CSGALNACT1: variants seen among roughly 807,000 people sequenced by gnomAD.
CSGALNACT1 encodes beta4GalNAcT-1.
CSGALNACT1 carries 52 observed loss-of-function variants against 51.0 expected under a neutral mutation model. The observed-to-expected ratio is 1.02, with a 90% CI of 0.82 to 1.29. CSGALNACT1 has a LOEUF of 1.29. CSGALNACT1 is among the 50% of genes most tolerant of loss of function. The pLI is 0.00. For synonymous variants in CSGALNACT1, 341 were observed against 254.4 expected (o/e 1.34, Z -3.24); for missense variants, 935 against 679.2 (o/e 1.38, Z -4.19).
intron 1 of CSGALNACT1, among the ~76,000 whole-genome samples, chr8:19,701,162 T>TG (rs1589591609): frequency 1.4e-5 from 2 of 142,936 alleles, no homozygotes; most frequent in South Asian, 2.4e-4. Flanking sequence ...CGTTTTTTTT[T>TG]TTTTTTTTTT....
At chr8:19,482,596 C>A (rs1282415895) in intron 4 of CSGALNACT1, among the ~76,000 whole-genome samples, 3 of 152,144 alleles carry the variant, frequency 2.0e-5, no homozygotes, top group Non-Finnish European at 2.9e-5. Flanking sequence ...TTACCAAATC[C>A]TTCTGACTTT....
chr8:19,706,829 G>A (rs539223894), intron 1 of CSGALNACT1, among the ~76,000 whole-genome samples: 8 of 152,228 alleles, frequency 5.3e-5, no homozygotes, highest in Non-Finnish European at 1.0e-4. Flanking sequence ...ATCTTGCTAT[G>A]TTGCCCAGGC....
At chr8:19,635,335 A>C (rs954882083) in intron 1 of CSGALNACT1, among the ~76,000 whole-genome samples, 1 of 151,860 alleles carries the variant, frequency 6.6e-6, no homozygotes. Flanking sequence ...CTCAGTGTCT[A>C]CTCTTGCCTA....
chr8:19,542,411 A>T (rs2085424390), intron 3 of CSGALNACT1, among the ~76,000 whole-genome samples: 1 of 152,168 alleles, frequency 6.6e-6, no homozygotes. Context: ...GGAATCATTA[A>T]ATATTTTAAA....
At chr8:19,708,749 T>A (rs1190917916) in intron 1 of CSGALNACT1, among the ~76,000 whole-genome samples, 2 of 152,136 alleles carry the variant, frequency 1.3e-5, no homozygotes, top group South Asian at 2.1e-4. Flanking sequence ...CCCGGGACTG[T>A]TTAAACCAAC....
intron 1 of CSGALNACT1, among the ~76,000 whole-genome samples, chr8:19,633,917 C>G (rs873936): frequency 0.52 from 78,814 of 151,844 alleles, 20,862 homozygotes; most frequent in East Asian, 0.68. Flanking sequence ...CCTTGCTGCA[C>G]TAACCTCCTC....
intron 1 of CSGALNACT1, among the ~76,000 whole-genome samples, chr8:19,741,286 C>T (rs1294532590): frequency 2.0e-5 from 3 of 152,150 alleles, no homozygotes; most frequent in African/African-American, 4.8e-5. Context: ...GAGTCTTAGC[C>T]GGGCACAGTG....
At chr8:19,438,796 A>G (rs1222055090) in intron 6 of CSGALNACT1, among the ~76,000 whole-genome samples, 1 of 152,252 alleles carries the variant, frequency 6.6e-6, no homozygotes, top group Admixed American at 6.5e-5. Context: ...CTCCTGCTTA[A>G]GAATGCTTGA....
intron 5 of CSGALNACT1, among the ~76,000 whole-genome samples, chr8:19,443,960 G>A (rs1190198508): frequency 3.9e-5 from 6 of 152,116 alleles, no homozygotes; most frequent in Non-Finnish European, 8.8e-5. Flanking sequence ...GTCTCATAAG[G>A]AACACACAAC....
intron 6 of CSGALNACT1, among the ~76,000 whole-genome samples, chr8:19,421,732 T>C (rs926023709): frequency 1.3e-5 from 2 of 152,276 alleles, no homozygotes; most frequent in Non-Finnish European, 2.9e-5. Flanking sequence ...GTATCTGGAA[T>C]TGAATCAGTA....
intron 2 of CSGALNACT1, among the ~76,000 whole-genome samples, chr8:19,597,896 T>C (rs1237692455): frequency 6.6e-6 from 1 of 152,222 alleles, no homozygotes; most frequent in African/African-American, 2.4e-5. Flanking sequence ...AGGGCAAACA[T>C]CTAACCAGTA....
intron 1 of CSGALNACT1, among the ~76,000 whole-genome samples, chr8:19,628,596 A>G (rs2054768743): frequency 6.6e-6 from 1 of 152,120 alleles, no homozygotes; most frequent in Admixed American, 6.5e-5. Flanking sequence ...TAAGTAATAG[A>G]GGTAGGATTC....
chr8:19,489,533 C>A (rs1308705627), intron 4 of CSGALNACT1, among the ~76,000 whole-genome samples: 4 of 152,142 alleles, frequency 2.6e-5, no homozygotes, highest in Admixed American at 1.3e-4. Context: ...ATTCATTCAA[C>A]AAACATTTAA....
At chr8:19,646,313 G>A (rs545064608) in intron 1 of CSGALNACT1, among the ~76,000 whole-genome samples, 161 of 152,316 alleles carry the variant, frequency 1.1e-3, no homozygotes, top group Non-Finnish European at 1.9e-3. Flanking sequence ...CATCCCCAGA[G>A]GCTGAAGAAA....
At chr8:19,746,402 C>T (rs1252608499) in intron 1 of CSGALNACT1, among the ~76,000 whole-genome samples, 3 of 152,138 alleles carry the variant, frequency 2.0e-5, no homozygotes, top group Non-Finnish European at 4.4e-5. Flanking sequence ...GGCCATGGTA[C>T]CTAATGATGT....
At chr8:19,642,788 CAAA>C (rs756974494) in intron 1 of CSGALNACT1, among the ~76,000 whole-genome samples, 1 of 83,162 alleles carries the variant, frequency 1.2e-5, no homozygotes, top group Non-Finnish European at 2.5e-5. Context: ...GACCCTGTCA[CAAA>C]AAAAAAAAAA....
chr8:19,455,415 A>G (rs1212144795), intron 5 of CSGALNACT1, among the ~76,000 whole-genome samples: 1 of 152,208 alleles, frequency 6.6e-6, no homozygotes, highest in Non-Finnish European at 1.5e-5. Context: ...ACAACATCAA[A>G]TATTTATTAA....
At chr8:19,508,065 G>A (rs910183679) in intron 3 of CSGALNACT1, among the ~76,000 whole-genome samples, 11 of 152,130 alleles carry the variant, frequency 7.2e-5, no homozygotes, top group African/African-American at 2.4e-4. Flanking sequence ...GTCTTCACCC[G>A]ACTCAGAAAG....
chr8:19,469,097 T>C (rs564720122), intron 4 of CSGALNACT1, among the ~76,000 whole-genome samples: 1 of 152,074 alleles, frequency 6.6e-6, no homozygotes, highest in Non-Finnish European at 1.5e-5. Context: ...AAGGATGAAA[T>C]TGGCCCACTG....
Sources: gnomAD v4.1 joint callset for allele counts (sites outside exome capture counted in the v4.1 genomes callset) on GRCh38, gnomAD v4.1.1 for gene constraint, MANE v1.5 for transcripts, NCBI Gene and HGNC (gene_info 2026-07-23, HGNC 2026-07-21) for gene names.